NRXN3: variants seen among roughly 807,000 people sequenced by gnomAD.
NRXN3 encodes neurexin 3.
A neutral mutation model predicts 137.6 loss-of-function variants in NRXN3; 32 were observed. The observed-to-expected ratio is 0.23, with a 90% CI of 0.18 to 0.31. NRXN3 has a LOEUF of 0.31. Ranked by LOEUF, NRXN3 falls within the 10% of genes least tolerant of loss-of-function variation. The pLI is 1.00. For synonymous variants in NRXN3, 798 were observed against 784.5 expected (o/e 1.02, Z -0.29); for missense variants, 1,574 against 2,062.5 (o/e 0.76, Z 4.59).
intron 15 of NRXN3, among the ~76,000 whole-genome samples, chr14:79,385,203 T>TCCCC (rs2094573281): frequency 1.2e-5 from 1 of 81,134 alleles, no homozygotes; most frequent in Non-Finnish European, 3.1e-5. Context: ...AATGCTATCC[T>TCCCC]TCCCCCCGCC....
At position 79,816,303 on chromosome 14, in the gene NRXN3, G is replaced by A. The variant is rs558055101; in HGVS notation, c.4093+11113G>A. ...ACACTTCTCAAAGTACTAAGTTATC[G>A]AATTTTGACACGCTCCTTTGTGGAG... On this transcript the variant is annotated intron_variant, in intron 20 of 20. Transcript: ENST00000335750. 2.6e-5 allele frequency among the ~76,000 whole-genome samples: 4 copies of A among 152,268 alleles called. No homozygotes were observed. In the South Asian group the frequency reaches 6.2e-4, roughly 24 times the overall value.
intron 16 of NRXN3, among the ~76,000 whole-genome samples, chr14:79,635,015 G>C (rs1235765049): frequency 6.6e-6 from 1 of 152,140 alleles, no homozygotes; most frequent in East Asian, 1.9e-4. Context: ...GCACAGTAGG[G>C]TAACTAGAGT....
intron 4 of NRXN3, among the ~76,000 whole-genome samples, chr14:78,326,927 A>C (rs1196386327): frequency 2.2e-5 from 1 of 45,646 alleles, no homozygotes; most frequent in Non-Finnish European, 4.7e-5. Context: ...AGTGAGTTAC[A>C]AAAAAAAAAA....
intron 15 of NRXN3, among the ~76,000 whole-genome samples, chr14:79,034,086 G>A (rs1182502467): frequency 1.3e-5 from 2 of 151,904 alleles, no homozygotes; most frequent in East Asian, 3.9e-4. Flanking sequence ...AAAACCCCAG[G>A]GTCACTTAAT....
At chr14:79,200,743 T>C (rs1311541509) in intron 15 of NRXN3, among the ~76,000 whole-genome samples, 4 of 151,738 alleles carry the variant, frequency 2.6e-5, no homozygotes, top group African/African-American at 4.8e-5. Context: ...CCTGCTAACC[T>C]GTTCTGATAT....
chr14:78,926,692 A>G (rs550245633), intron 10 of NRXN3, among the ~76,000 whole-genome samples: 91 of 94,900 alleles, frequency 9.6e-4, no homozygotes, highest in African/African-American at 3.4e-3. Context: ...TATGTAATAT[A>G]TATAAAATAT....
At chr14:78,395,159 C>A (rs577254550) in intron 4 of NRXN3, among the ~76,000 whole-genome samples, 2 of 151,760 alleles carry the variant, frequency 1.3e-5, no homozygotes, top group South Asian at 4.2e-4. Context: ...TGACTTCCCC[C>A]CCTTTTCTAA....
rs1257929227 is a variant in NRXN3, at chr14:79,865,724, CA to C, written c.*3763del. 2 of 152,206 alleles carry C rather than the reference CA, an allele frequency of 1.3e-5. No homozygotes were observed. The highest frequency in any genetic ancestry group is 4.8e-5 in the African/African-American group (2 of 41,444). 9.4% of individuals were successfully genotyped at this position (152,206 alleles called of 1,614,324 possible). A position where few individuals can be genotyped will look rare whatever the true frequency, so the allele number is the denominator to read the frequency against. ...CACTGCAACCTCTGCCTCTCAACCT[CA>C]AACGATTCTCCTGCCTCAGCCTCCT... On this transcript the variant is annotated 3_prime_UTR_variant, in exon 21 of 21. Transcript: ENST00000335750.
intron 4 of NRXN3, among the ~76,000 whole-genome samples, chr14:78,531,786 C>T (rs2096465090): frequency 1.3e-5 from 2 of 151,996 alleles, no homozygotes; most frequent in African/African-American, 4.8e-5. Context: ...TACTTTTTGT[C>T]CTTAGGGAAA....
At chr14:78,690,348 A>G (rs2098160837) in intron 6 of NRXN3, among the ~76,000 whole-genome samples, 1 of 152,218 alleles carries the variant, frequency 6.6e-6, no homozygotes, top group Non-Finnish European at 1.5e-5. Flanking sequence ...TTCGGAAGTT[A>G]GATTGTACTT....
At chr14:79,552,372 G>A (rs968625226) in intron 16 of NRXN3, among the ~76,000 whole-genome samples, 6 of 152,156 alleles carry the variant, frequency 3.9e-5, no homozygotes, top group Non-Finnish European at 8.8e-5. Context: ...CACTATCTGT[G>A]TGAATTTGAG....
Position 78,172,445 on chromosome 14 carries a change from TGA to T in NRXN3, c.-704+1775_-704+1776del, listed in dbSNP as rs111899884. On this transcript the variant is annotated intron_variant, in intron 1 of 20. Transcript: ENST00000335750. ...TATGTGGCGGAAGGATGGAGGGGAG[TGA>T]GAGGAGGCAAGGCTGGTATTTATTT... Among the ~76,000 whole-genome samples the T allele has an allele frequency of 8.9e-3, 1,356 of 151,716 alleles. 17 individuals carry two copies. Among genetic ancestry groups the T allele is most frequent in the African/African-American group, 0.03 (1,224 of 41,338 alleles).
In NRXN3 at chr14:79,697,909, G is replaced by A. The variant is rs144373051; in HGVS notation, c.3986G>A (p.Arg1329His). ...TTTTMATTTT[R>H]KNRSTASIQP... The stretch of plus-strand genomic sequence containing the variant: ...ACTACAATGGCGACTACCACAACCC[G>A]TAAGAATCGCTCTACAGCCAGCATT... The change falls in exon 19 of 21, where the codon CGT becomes CAT. Residue 1329 changes from arginine (R) to histidine (H), a missense_variant. Around this residue, in one of 5 missense-constraint regions of NRXN3, gnomAD observed 320 missense variants for 387.1 expected, o/e 0.83. Transcript: ENST00000335750. 61 of 1,612,200 alleles carry A rather than the reference G, an allele frequency of 3.8e-5. No individual in the cohort carries two copies. Among genetic ancestry groups the A allele is most frequent in the East Asian group, 1.3e-4 (6 of 44,802 alleles).
intron 7 of NRXN3, 150 bp from the exon 8 acceptor site, chr14:78,714,605 GT>G: frequency 1.0e-6 from 1 of 953,128 alleles, no homozygotes; most frequent in South Asian, 1.6e-5. Flanking sequence ...GGCCTACATT[GT>G]CTTTTCCATT....
At chr14:78,469,478 C>T (rs1166002803) in intron 4 of NRXN3, among the ~76,000 whole-genome samples, 1 of 152,116 alleles carries the variant, frequency 6.6e-6, no homozygotes, top group Non-Finnish European at 1.5e-5. Flanking sequence ...GGTTGCAAGC[C>T]ATGGCAAAGG....
chr14:79,236,636 G>C (rs2073411871), intron 15 of NRXN3, among the ~76,000 whole-genome samples: 1 of 151,978 alleles, frequency 6.6e-6, no homozygotes, highest in Admixed American at 6.6e-5. Context: ...ATCTGGCCAG[G>C]CATGCTGGCT....
intron 4 of NRXN3, among the ~76,000 whole-genome samples, chr14:78,365,594 C>T (rs74341797): frequency 9.9e-5 from 15 of 152,234 alleles, no homozygotes; most frequent in Middle Eastern, 3.4e-3. Context: ...ACATGTTGAC[C>T]GGCTATGAGT....
At chr14:78,229,049 TGGCTTTTTGAGG>T (rs1407409806) in intron 1 of NRXN3, among the ~76,000 whole-genome samples, 1 of 152,202 alleles carries the variant, frequency 6.6e-6, no homozygotes, top group African/African-American at 2.4e-5. Context: ...AGCTCCTCTG[TGGCTTTTTGAGG>T]GGAAAGTAGG....
intron 15 of NRXN3, among the ~76,000 whole-genome samples, chr14:79,273,171 C>A (rs2079631133): frequency 3.7e-5 from 2 of 53,446 alleles, no homozygotes; most frequent in Admixed American, 4.2e-4. Flanking sequence ...GACTCTGTGG[C>A]CAAAAAAAAA....
Sources: allele counts gnomAD v4.1 joint callset (sites outside exome capture counted in the v4.1 genomes callset), GRCh38; gene constraint gnomAD v4.1.1; regional missense constraint gnomAD v4.1.1; transcripts MANE v1.5; gene names NCBI Gene and HGNC (gene_info 2026-07-23, HGNC 2026-07-21).